The following FARSB variants were observed in gnomAD, a reference collection of about 807,000 sequenced individuals.
FARSB encodes phenylalanine--tRNA ligase beta subunit.
FARSB carries 40 observed loss-of-function variants against 69.6 expected under a neutral mutation model. That is an observed-to-expected ratio of 0.57 (90% CI 0.45 to 0.75). FARSB has a LOEUF of 0.75. Ranked by LOEUF, FARSB falls within the 30% of genes least tolerant of loss-of-function variation. The pLI is 0.00. For synonymous variants in FARSB, 235 were observed against 247.2 expected, an observed-to-expected ratio of 0.95 and a Z score of 0.46; for missense variants, 632 against 722.9, an observed-to-expected ratio of 0.87 and a Z score of 1.44.
At chr2:222,581,782 G>T (rs1689974794) in intron 16 of FARSB, among the ~76,000 whole-genome samples, 1 of 152,178 alleles carries the variant, frequency 6.6e-6, no homozygotes, top group African/African-American at 2.4e-5. Flanking sequence ...GAAGAAGACA[G>T]GTGGATCACA....
At chr2:222,601,587 C>T (rs1690562695) in intron 15 of FARSB, among the ~76,000 whole-genome samples, 1 of 152,108 alleles carries the variant, frequency 6.6e-6, no homozygotes, top group Non-Finnish European at 1.5e-5. Context: ...TATTTACTTC[C>T]CAGTTTTTCC....
At position 222,600,184 on chromosome 2, in the gene FARSB, C is replaced by T. The variant is rs1690525537; in HGVS notation, c.1463-101G>A. 7.5e-6 allele frequency: 7 copies of T among 929,976 alleles called. No individual in the cohort carries two copies. In the East Asian group the frequency reaches 1.7e-4, roughly 22 times the overall value. 57.6% of individuals were successfully genotyped at this position (929,976 alleles called of 1,614,324 possible). A position where few individuals can be genotyped will look rare whatever the true frequency, so the allele number is the denominator to read the frequency against. On this transcript the variant is annotated intron_variant, in intron 15 of 16. Transcript: ENST00000281828. ...TAGAAAAAGTCAACAAAAAAGAAAACCAAATATTAAACATTCAGAGAAGGA... is the reference window on the plus strand; with the variant it reads ...TAGAAAAAGTCAACAAAAAAGAAAATCAAATATTAAACATTCAGAGAAGGA...
chr2:222,587,295 T>C (rs988802234), intron 16 of FARSB, among the ~76,000 whole-genome samples: 1 of 152,206 alleles, frequency 6.6e-6, no homozygotes, highest in African/African-American at 2.4e-5. Flanking sequence ...AATAAAGATG[T>C]TCTTTGAAAC....
At chr2:222,637,571 A>G (rs1160143214) in intron 5 of FARSB, among the ~76,000 whole-genome samples, 1 of 152,218 alleles carries the variant, frequency 6.6e-6, no homozygotes, top group Non-Finnish European at 1.5e-5. Flanking sequence ...TCATGTAGCA[A>G]TGGATATAGT....
In FARSB at chr2:222,624,370, T is replaced by C. The variant is rs768216103; in HGVS notation, c.1072A>G (p.Ile358Val). The change falls in exon 12 of 17, where the codon ATT becomes GTT. Residue 358 changes from isoleucine to valine, a missense_variant. Coordinates refer to ENST00000281828, the MANE Select transcript of FARSB (RefSeq NM_005687.5). ...TCTACAATATCACATGCATGGATAA[T>C]GTCAGCTCTGGTTGGAGGGATTTCA... ...EIEIPPTRAD[I>V]IHACDIVEDA... 4.3e-6 allele frequency: 7 copies of C among 1,609,368 alleles called. No individual in the cohort carries two copies. The highest frequency in any genetic ancestry group is 1.7e-4 in the Middle Eastern group (1 of 6,034).
At chr2:222,636,136 G>A (rs1207824764) in intron 5 of FARSB, among the ~76,000 whole-genome samples, 1 of 151,770 alleles carries the variant, frequency 6.6e-6, no homozygotes, top group Non-Finnish European at 1.5e-5. Flanking sequence ...GCCGCACGCG[G>A]TGGCTCATGC....
intron 1 of FARSB, among the ~76,000 whole-genome samples, chr2:222,655,033 TA>T: frequency 6.6e-6 from 1 of 152,058 alleles, no homozygotes; most frequent in Non-Finnish European, 1.5e-5. Flanking sequence ...CTGGTCTCTC[TA>T]AAAATACAAA....
intron 15 of FARSB, among the ~76,000 whole-genome samples, chr2:222,601,580 T>G (rs1217298430): frequency 6.6e-6 from 1 of 152,234 alleles, no homozygotes; most frequent in Non-Finnish European, 1.5e-5. Context: ...CAACTTTTAT[T>G]TACTTCCCAG....
chr2:222,645,223 G>C (rs1374592109), intron 2 of FARSB, among the ~76,000 whole-genome samples: 2 of 152,190 alleles, frequency 1.3e-5, no homozygotes, highest in Admixed American at 1.3e-4. Context: ...ATAGAGTTCA[G>C]ACAGGCAAAG....
At chr2:222,596,660 C>T (rs1264450346) in intron 16 of FARSB, among the ~76,000 whole-genome samples, 1 of 152,086 alleles carries the variant, frequency 6.6e-6, no homozygotes, top group Non-Finnish European at 1.5e-5. Flanking sequence ...GTTGAAAAAG[C>T]TGTATGTAAA....
At position 222,628,822 on chromosome 2, in the gene FARSB, T is replaced by A; in HGVS notation, c.900+15A>T. ...ATTGTTGTCATAATCATGAAGTCAT[T>A]TCTTAAGCACTTACTGGAAAGGTAT... On this transcript the variant is annotated intron_variant, in intron 10 of 16. Transcript: ENST00000281828. 1 of 1,557,170 alleles carries A rather than the reference T, an allele frequency of 6.4e-7. No homozygotes were observed. The highest frequency in any genetic ancestry group is 1.7e-4 in the Middle Eastern group (1 of 5,980).
Position 222,619,659 on chromosome 2 carries a change from T to C in FARSB, c.1330A>G (p.Thr444Ala). The change falls in exon 14 of 17, where the codon ACA becomes GCA. Residue 444 changes from threonine (T) to alanine (A), a missense_variant. Coordinates refer to ENST00000281828, the MANE Select transcript of FARSB (RefSeq NM_005687.5). ...AAAATTCTTACCTGAAATTCAGCTG[T>C]TTTAGGATTACTTATGTGGACTGCC... Reference protein sequence around the residue: ...TKAVHISNPKTAEFQVARTTL... With the variant: ...TKAVHISNPKAAEFQVARTTL... 2 of 1,584,870 alleles carry C rather than the reference T, an allele frequency of 1.3e-6. No individual in the cohort carries two copies. Among genetic ancestry groups the C allele is most frequent in the Non-Finnish European group, 1.7e-6 (2 of 1,154,066 alleles).
At chr2:222,591,964 A>T (rs972537802) in intron 16 of FARSB, among the ~76,000 whole-genome samples, 1 of 152,194 alleles carries the variant, frequency 6.6e-6, no homozygotes, top group African/African-American at 2.4e-5. Context: ...GAGAATGAAC[A>T]ATTTCACTAA....
At chr2:222,655,077 A>G (rs1271064408) in intron 1 of FARSB, among the ~76,000 whole-genome samples, 5 of 152,166 alleles carry the variant, frequency 3.3e-5, no homozygotes, top group Admixed American at 3.3e-4. Flanking sequence ...GGACGCCTGT[A>G]ATCCCAGCTA....
intron 1 of FARSB, among the ~76,000 whole-genome samples, chr2:222,653,395 A>G (rs144505951): frequency 1.3e-5 from 2 of 152,142 alleles, no homozygotes; most frequent in Admixed American, 1.3e-4. Context: ...TGAATGAGAC[A>G]TTATCTGAAA....
intron 2 of FARSB, among the ~76,000 whole-genome samples, chr2:222,646,371 A>G (rs1455587293): frequency 1.3e-5 from 2 of 152,204 alleles, no homozygotes; most frequent in East Asian, 3.8e-4. Flanking sequence ...GTATTTCCAT[A>G]TCGCACAGTT....
intron 16 of FARSB, among the ~76,000 whole-genome samples, chr2:222,576,001 A>G (rs569303022): frequency 2.3e-4 from 34 of 150,736 alleles, no homozygotes; most frequent in African/African-American, 8.3e-4. Context: ...TTAAAGAGAA[A>G]TATTATAGGC....
In FARSB at chr2:222,569,954, C is replaced by T. The variant is rs890178614; in HGVS notation, c.*1917G>A. ...GATGGTAGGTGTATGTTTCAAGAGA[C>T]TGCCAAGCTGTTTTCTAAAGTCACA... On this transcript the variant is annotated 3_prime_UTR_variant, in exon 17 of 17. Coordinates refer to ENST00000281828, the MANE Select transcript of FARSB (RefSeq NM_005687.5). 5.9e-5 allele frequency among the ~76,000 whole-genome samples: 9 copies of T among 152,164 alleles called. No individual in the cohort carries two copies. Among genetic ancestry groups the T allele is most frequent in the African/African-American group, 2.2e-4 (9 of 41,446 alleles).
chr2:222,592,600 T>C (rs1007200392), intron 16 of FARSB, among the ~76,000 whole-genome samples: 1 of 151,438 alleles, frequency 6.6e-6, no homozygotes, highest in South Asian at 2.1e-4. Context: ...GATCACAAGC[T>C]AAAAATGAAC....
Sources: gnomAD v4.1 joint callset for allele counts (sites outside exome capture counted in the v4.1 genomes callset) on GRCh38, gnomAD v4.1.1 for gene constraint, MANE v1.5 for transcripts, NCBI Gene and HGNC (gene_info 2026-07-23, HGNC 2026-07-21) for gene names.